The following PBX1 variants were observed in gnomAD, a reference collection of about 807,000 sequenced individuals.
The protein encoded by PBX1 is PBX homeobox 1.
PBX1 carries 6 observed loss-of-function variants against 53.4 expected under a neutral mutation model. That is an observed-to-expected ratio of 0.11 (90% CI 0.06 to 0.22). The LOEUF (loss-of-function observed/expected upper bound fraction) is 0.22, where lower values mean the gene tolerates loss of function less well. Ranked by LOEUF, PBX1 falls within the 10% of genes least tolerant of loss-of-function variation. The probability of loss-of-function intolerance (pLI) is 1.00; values close to 1 mark genes in which losing one functional copy is unlikely to be tolerated. For synonymous variants in PBX1, 204 were observed against 212.3 expected (o/e 0.96, Z 0.34); for missense variants, 251 against 551.4 (o/e 0.46, Z 5.46).
rs751176674 is a variant in PBX1 at position 164,792,621 on chromosome 1, A to T, written c.393A>T (p.Ala131=). 15 of 1,613,630 alleles carry T rather than the reference A, an allele frequency of 9.3e-6. No individual in the cohort carries two copies. The South Asian group carries it at 1.6e-4, about 18-fold the overall frequency. ...GCGGAGGGTCGGCGGCAGCGGCGGC[A>T]GCGGCGGCGGCTTCTGGAGGGGCAG... ...EKGGGSAAAA[A]AAAASGGAGS... The change falls in exon 3 of 9, where the codon GCA becomes GCT. Residue 131 remains alanine, a synonymous_variant. Transcript: ENST00000420696.
chr1:164,653,144 G>A (rs1387833988), intron 2 of PBX1, among the ~76,000 whole-genome samples: 1 of 152,002 alleles, frequency 6.6e-6, no homozygotes, highest in Non-Finnish European at 1.5e-5. Flanking sequence ...TGGCATTAGA[G>A]GCGTGACCCA....
chr1:164,767,870 T>C (rs567226864), intron 2 of PBX1, among the ~76,000 whole-genome samples: 1 of 152,200 alleles, frequency 6.6e-6, no homozygotes, highest in Admixed American at 6.5e-5. Flanking sequence ...AAACATGAAA[T>C]TGCAACTAAA....
intron 2 of PBX1, among the ~76,000 whole-genome samples, chr1:164,729,062 T>C (rs1022552068): frequency 6.6e-6 from 1 of 152,216 alleles, no homozygotes; most frequent in Admixed American, 6.5e-5. Flanking sequence ...TTTCAGTACA[T>C]TTTGTAGGAC....
intron 2 of PBX1, among the ~76,000 whole-genome samples, chr1:164,791,446 C>T (rs987732460): frequency 6.6e-6 from 1 of 152,200 alleles, no homozygotes; most frequent in African/African-American, 2.4e-5. Context: ...CCTTATCACT[C>T]GGAACACATA....
At chr1:164,796,828 A>G (rs1668809511) in intron 3 of PBX1, among the ~76,000 whole-genome samples, 1 of 152,246 alleles carries the variant, frequency 6.6e-6, no homozygotes, top group African/African-American at 2.4e-5. Context: ...TCTGTTGAGA[A>G]ACATTCAGCA....
chr1:164,649,026 C>G (rs1050528060), intron 2 of PBX1, among the ~76,000 whole-genome samples: 1 of 152,114 alleles, frequency 6.6e-6, no homozygotes, highest in Non-Finnish European at 1.5e-5. Flanking sequence ...CAAGATGACA[C>G]ACCTCTGTGG....
intron 7 of PBX1, among the ~76,000 whole-genome samples, chr1:164,821,147 T>C (rs977538548): frequency 1.3e-5 from 2 of 152,210 alleles, no homozygotes; most frequent in African/African-American, 4.8e-5. Flanking sequence ...CCTTTGTTTT[T>C]ATAGGATACC....
Position 164,850,931 on chromosome 1 carries a change from C to A in PBX1, c.*4255C>A, listed in dbSNP as rs764812680. On this transcript the variant is annotated 3_prime_UTR_variant, in exon 9 of 9. Transcript: ENST00000420696. ...ATGAGGCCTCTTCCAACCAAAGAGG[C>A]CTTTTCTTCCAGGAGAGTCCCGCAG... The A allele has an allele frequency of 1.4e-4, 30 of 212,900 alleles. No individual in the cohort carries two copies. Among genetic ancestry groups the A allele is most frequent in the Non-Finnish European group, 2.8e-4 (29 of 105,200 alleles). 13.2% of individuals were successfully genotyped at this position (212,900 alleles called of 1,614,324 possible).
At position 164,847,825 on chromosome 1, in the gene PBX1, CA is replaced by C; in HGVS notation, c.*1150del. On this transcript the variant is annotated 3_prime_UTR_variant, in exon 9 of 9. Transcript: ENST00000420696. Reference sequence around the variant, plus strand: ...CAGGACCTGCAGGCCCACTAGCGTGCACTTACCAGAATGGCATACACAGGAC... The same window carrying C: ...CAGGACCTGCAGGCCCACTAGCGTGCCTTACCAGAATGGCATACACAGGAC... 2.8e-6 allele frequency: 3 copies of C among 1,054,928 alleles called. No individual in the cohort carries two copies. Among genetic ancestry groups the C allele is most frequent in the Non-Finnish European group, 3.4e-6 (3 of 872,790 alleles). The allele number at this position is 1,054,928 out of a possible 1,614,324, so 65.3% of individuals were successfully genotyped here. A position where few individuals can be genotyped will look rare whatever the true frequency, so the allele number is the denominator to read the frequency against.
intron 2 of PBX1, among the ~76,000 whole-genome samples, chr1:164,572,218 G>A (rs755246264): frequency 1.8e-4 from 28 of 151,806 alleles, no homozygotes; most frequent in Non-Finnish European, 3.7e-4. Context: ...GAGCTACCAC[G>A]CCCAGCCTGG....
intron 2 of PBX1, among the ~76,000 whole-genome samples, chr1:164,663,136 A>G (rs535903881): frequency 2.0e-5 from 3 of 151,304 alleles, no homozygotes; most frequent in Non-Finnish European, 4.4e-5. Context: ...AAGCGTGCCT[A>G]CCTTTCTGCC....
intron 2 of PBX1, among the ~76,000 whole-genome samples, chr1:164,584,392 G>A: frequency 6.6e-6 from 1 of 151,936 alleles, no homozygotes; most frequent in Admixed American, 6.6e-5. Flanking sequence ...AGATCTAAAA[G>A]TAGTATTGTC....
intron 2 of PBX1, among the ~76,000 whole-genome samples, chr1:164,575,323 A>G (rs1654145094): frequency 6.6e-6 from 1 of 152,182 alleles, no homozygotes; most frequent in Admixed American, 6.5e-5. Flanking sequence ...GCGTTTGCAA[A>G]CTTACAGTGA....
intron 2 of PBX1, among the ~76,000 whole-genome samples, chr1:164,699,973 C>T (rs1036911068): frequency 2.6e-5 from 4 of 152,118 alleles, no homozygotes; most frequent in Middle Eastern, 3.4e-3. Flanking sequence ...GAAATAGAGG[C>T]GAAGGAGGGG....
chr1:164,799,036 C>T (rs1021147849), intron 3 of PBX1, among the ~76,000 whole-genome samples: 1 of 152,118 alleles, frequency 6.6e-6, no homozygotes, highest in African/African-American at 2.4e-5. Context: ...GCACATGATA[C>T]ATTTGACCCC....
intron 2 of PBX1, among the ~76,000 whole-genome samples, chr1:164,677,789 G>T (rs527571671): frequency 6.6e-6 from 1 of 152,092 alleles, no homozygotes; most frequent in Non-Finnish European, 1.5e-5. Flanking sequence ...AAGTACTTTG[G>T]CAAGGGAAGA....
chr1:164,838,398 G>A (rs1006408467), intron 8 of PBX1, among the ~76,000 whole-genome samples: 2 of 152,170 alleles, frequency 1.3e-5, no homozygotes, highest in Non-Finnish European at 2.9e-5. Context: ...GTGGATTGTT[G>A]CTTAGTAGCA....
intron 2 of PBX1, among the ~76,000 whole-genome samples, chr1:164,782,444 G>A (rs991933052): frequency 3.3e-5 from 5 of 152,026 alleles, no homozygotes; most frequent in African/African-American, 1.2e-4. Context: ...TCAGTGGTAG[G>A]TCTCGTCTCC....
At chr1:164,854,891 A>T (rs978165254), downstream of PBX1, among the ~76,000 whole-genome samples, 1 of 150,956 alleles carries the variant, frequency 6.6e-6, no homozygotes, top group Non-Finnish European at 1.5e-5. Context: ...TCTCTCCCAC[A>T]ATGCCCAGTC....
Sources: allele counts gnomAD v4.1 joint callset (sites outside exome capture counted in the v4.1 genomes callset), GRCh38; gene constraint gnomAD v4.1.1; transcripts MANE v1.5; gene names NCBI Gene and HGNC (gene_info 2026-07-23, HGNC 2026-07-21).